The following BCO1 variants were observed in gnomAD, a reference collection of about 807,000 sequenced individuals.
BCO1 encodes the protein beta-carotene oxygenase 1, also known as beta,beta-carotene 15,15'-dioxygenase.
In BCO1, 54 loss-of-function variants were observed where a neutral mutation model predicts 56.3. That is an observed-to-expected ratio of 0.96 (90% CI 0.77 to 1.20). The LOEUF (loss-of-function observed/expected upper bound fraction) is 1.20, where lower values mean the gene tolerates loss of function less well. Ranked by LOEUF, BCO1 falls within the 50% of genes most tolerant of loss-of-function variation. The probability of loss-of-function intolerance (pLI) is 0.00; values close to 1 mark genes in which losing one functional copy is unlikely to be tolerated. For missense variants in BCO1, 801 were observed against 690.9 expected (o/e 1.16, Z -1.79); for synonymous variants, 318 against 266.1 (o/e 1.20, Z -1.90).
At chr16:81,275,207 C>G (rs1907479110) in intron 7 of BCO1, among the ~76,000 whole-genome samples, 1 of 152,244 alleles carries the variant, frequency 6.6e-6, no homozygotes, top group Non-Finnish European at 1.5e-5. Flanking sequence ...GGGCCTGAGG[C>G]CTTTGCAGGA....
At chr16:81,279,159 C>T (rs961840294) in intron 7 of BCO1, among the ~76,000 whole-genome samples, 12 of 152,068 alleles carry the variant, frequency 7.9e-5, no homozygotes, top group African/African-American at 2.9e-4. Context: ...TGCCCGTAGT[C>T]CCCCAGCTAC....
intron 5 of BCO1, among the ~76,000 whole-genome samples, chr16:81,266,478 T>C (rs1404157915): frequency 6.6e-6 from 1 of 151,808 alleles, no homozygotes; most frequent in East Asian, 1.9e-4. Flanking sequence ...CCCCACTGTC[T>C]TGTAGAGCCC....
At chr16:81,284,127 T>C (rs906459480) in intron 8 of BCO1, among the ~76,000 whole-genome samples, 2 of 151,172 alleles carry the variant, frequency 1.3e-5, no homozygotes, top group Non-Finnish European at 1.5e-5. Flanking sequence ...TGGGAGGCGG[T>C]GGTTGCAGTG....
At position 81,264,664 on chromosome 16, in the gene BCO1, G is replaced by A. The variant is rs139667928; in HGVS notation, c.496G>A (p.Val166Ile). ...GGTTGATTATCGTAAATACGTGGCG[G>A]TAAATCTGGCAACGTCACATCCCCA... is the stretch of plus-strand genomic sequence containing the variant. ...EKVDYRKYVA[V>I]NLATSHPHYD... Residue 166 changes from valine to isoleucine, a missense_variant, in exon 5 of 11, where the codon GTA becomes ATA. Coordinates refer to ENST00000258168, the MANE Select transcript of BCO1 (RefSeq NM_017429.3). 4.3e-4 allele frequency: 694 copies of A among 1,614,028 alleles called. 1 individual carries two copies. The highest frequency in any genetic ancestry group is 5.5e-4 in the Non-Finnish European group (651 of 1,179,988).
intron 10 of BCO1, 146 bp downstream of exon 10, chr16:81,287,552 C>G: frequency 1.4e-6 from 1 of 727,684 alleles, no homozygotes; most frequent in Non-Finnish European, 2.5e-6. Flanking sequence ...TGGGTCAAAG[C>G]TAAAGGGTGA....
chr16:81,244,922 C>G (rs574867660), intron 1 of BCO1, among the ~76,000 whole-genome samples: 11 of 151,916 alleles, frequency 7.2e-5, no homozygotes, highest in Non-Finnish European at 1.3e-4. Context: ...CAGAGTTTCG[C>G]TCTTGTTGCC....
chr16:81,287,486 C>A, intron 10 of BCO1, 80 bp downstream of exon 10: 2 of 1,104,892 alleles, frequency 1.8e-6, no homozygotes, highest in Non-Finnish European at 2.8e-6. Flanking sequence ...CTGGGGGCAG[C>A]TGACCCCCCC....
At chr16:81,254,982 C>T (rs1906039069) in intron 2 of BCO1, among the ~76,000 whole-genome samples, 1 of 152,096 alleles carries the variant, frequency 6.6e-6, no homozygotes, top group Non-Finnish European at 1.5e-5. Flanking sequence ...TGGGGTCTCG[C>T]CATGCTGCCC....
intron 2 of BCO1, among the ~76,000 whole-genome samples, chr16:81,249,257 GT>G (rs112038654): frequency 2.0e-5 from 3 of 150,436 alleles, no homozygotes; most frequent in East Asian, 2.0e-4. Flanking sequence ...CATCTGGCTA[GT>G]TTTTTTTTCT....
At chr16:81,261,765 A>T (rs1906494985) in intron 3 of BCO1, among the ~76,000 whole-genome samples, 1 of 151,430 alleles carries the variant, frequency 6.6e-6, no homozygotes, top group Non-Finnish European at 1.5e-5. Flanking sequence ...TCTTTGAGAC[A>T]GAGTCTCGCT....
chr16:81,271,126 T>C (rs1449590803), intron 7 of BCO1, among the ~76,000 whole-genome samples: 1 of 151,490 alleles, frequency 6.6e-6, no homozygotes, highest in Non-Finnish European at 1.5e-5. Context: ...TTTTTTTTAT[T>C]TTTTTTGAGA....
At chr16:81,244,880 G>A (rs1905306903) in intron 1 of BCO1, among the ~76,000 whole-genome samples, 1 of 151,748 alleles carries the variant, frequency 6.6e-6, no homozygotes, top group Admixed American at 6.6e-5. Flanking sequence ...CCACCACAAT[G>A]AGCTATGTTT....
chr16:81,287,032 G>A (rs945989456), intron 9 of BCO1, among the ~76,000 whole-genome samples: 12 of 151,730 alleles, frequency 7.9e-5, no homozygotes, highest in African/African-American at 2.7e-4. Context: ...CCAAGATCAC[G>A]CCATTGCACT....
chr16:81,257,553 C>T (rs1395876877), intron 2 of BCO1, among the ~76,000 whole-genome samples: 3 of 151,310 alleles, frequency 2.0e-5, no homozygotes, highest in Non-Finnish European at 2.9e-5. Flanking sequence ...GCGTGAGCCA[C>T]CGCACCTGGC....
intron 2 of BCO1, among the ~76,000 whole-genome samples, chr16:81,246,427 C>G (rs902253619): frequency 4.6e-5 from 7 of 152,136 alleles, no homozygotes; most frequent in Non-Finnish European, 1.5e-5. Flanking sequence ...CACAGACTTT[C>G]CTAAAAAGGA....
intron 2 of BCO1, among the ~76,000 whole-genome samples, chr16:81,252,558 T>C (rs1226258531): frequency 6.6e-6 from 1 of 152,100 alleles, no homozygotes; most frequent in Non-Finnish European, 1.5e-5. Flanking sequence ...ACCCAGCCAA[T>C]ATTTCAAGTG....
At chr16:81,269,301 CTT>C (rs113430450) in intron 6 of BCO1, among the ~76,000 whole-genome samples, 7 of 137,198 alleles carry the variant, frequency 5.1e-5, no homozygotes, top group Non-Finnish European at 7.9e-5. Flanking sequence ...TTTAGTTTTT[CTT>C]TTTTTTTTTT....
At chr16:81,258,729 G>A (rs1435773170) in intron 2 of BCO1, among the ~76,000 whole-genome samples, 2 of 152,164 alleles carry the variant, frequency 1.3e-5, no homozygotes, top group Non-Finnish European at 1.5e-5. Context: ...ATTTTGCATT[G>A]ACATATTTTG....
At chr16:81,280,152 A>T (rs568322653) in intron 7 of BCO1, among the ~76,000 whole-genome samples, 2 of 151,378 alleles carry the variant, frequency 1.3e-5, no homozygotes, top group East Asian at 3.9e-4. Context: ...AATCCCAGCT[A>T]CTCTGGAGGC....
Sources: allele counts gnomAD v4.1 joint callset (sites outside exome capture counted in the v4.1 genomes callset), GRCh38; gene constraint gnomAD v4.1.1; transcripts MANE v1.5; gene names NCBI Gene and HGNC (gene_info 2026-07-23, HGNC 2026-07-21).